The following NTM variants were observed in gnomAD, a reference collection of about 807,000 sequenced individuals.
NTM encodes IgLON family member 2.
NTM carries 13 observed loss-of-function variants against 42.1 expected under a neutral mutation model. The observed-to-expected ratio is 0.31, with a 90% CI of 0.20 to 0.49. The LOEUF (loss-of-function observed/expected upper bound fraction) is 0.49, where lower values mean the gene tolerates loss of function less well. NTM is among the 20% of genes least tolerant of loss of function. NTM has a pLI of 0.99. For synonymous variants in NTM, 187 were observed against 179.2 expected, an observed-to-expected ratio of 1.04 and a Z score of -0.35; for missense variants, 373 against 452.8, an observed-to-expected ratio of 0.82 and a Z score of 1.60.
intron 1 of NTM, among the ~76,000 whole-genome samples, chr11:131,544,796 G>C (rs367947096): frequency 2.1e-4 from 32 of 152,192 alleles, no homozygotes; most frequent in African/African-American, 7.5e-4. Flanking sequence ...GCCTCCTGGG[G>C]GCGCCGCTTG....
chr11:131,438,368 A>G (rs1230486675), intron 1 of NTM, among the ~76,000 whole-genome samples: 1 of 152,128 alleles, frequency 6.6e-6, no homozygotes, highest in Non-Finnish European at 1.5e-5. Context: ...TAATGTCCTG[A>G]AGAGTGTTTT....
chr11:131,669,851 C>A (rs1460471943), intron 1 of NTM, among the ~76,000 whole-genome samples: 1 of 152,166 alleles, frequency 6.6e-6, no homozygotes, highest in Non-Finnish European at 1.5e-5. Flanking sequence ...GACTTCACGG[C>A]TTAGAAGGTC....
At chr11:131,872,109 C>T (rs2047848748) in intron 1 of NTM, among the ~76,000 whole-genome samples, 1 of 152,176 alleles carries the variant, frequency 6.6e-6, no homozygotes. Context: ...AAATCATTCT[C>T]CACTGGGTAC....
chr11:131,878,225 T>A (rs1206843813), intron 1 of NTM: 3 of 152,080 alleles, frequency 2.0e-5, no homozygotes, highest in African/African-American at 7.2e-5. Context: ...TTGATCATTT[T>A]GCTTGGAAGG....
At chr11:131,710,444 G>T (rs984215376) in intron 1 of NTM, among the ~76,000 whole-genome samples, 1 of 152,118 alleles carries the variant, frequency 6.6e-6, no homozygotes, top group Non-Finnish European at 1.5e-5. Context: ...AGGGAGGAAA[G>T]AGTTGCTCTC....
intron 2 of NTM, among the ~76,000 whole-genome samples, chr11:132,041,331 A>C (rs905861651): frequency 6.6e-6 from 1 of 151,746 alleles, no homozygotes; most frequent in African/African-American, 2.4e-5. Flanking sequence ...TTTGTAAGCA[A>C]GGTGATGGAA....
chr11:131,801,577 A>C (rs2092114245), intron 1 of NTM, among the ~76,000 whole-genome samples: 1 of 152,118 alleles, frequency 6.6e-6, no homozygotes, highest in Non-Finnish European at 1.5e-5. Context: ...TTCCTCTTTC[A>C]AGCACCTTAG....
At chr11:132,070,545 C>T (rs567161155) in intron 2 of NTM, among the ~76,000 whole-genome samples, 10 of 122,720 alleles carry the variant, frequency 8.1e-5, no homozygotes, top group Admixed American at 3.9e-4. Context: ...TCAAACTGAC[C>T]GTCACAGTTT....
intron 1 of NTM, among the ~76,000 whole-genome samples, chr11:131,596,960 C>T (rs533089075): frequency 1.3e-5 from 2 of 152,246 alleles, no homozygotes; most frequent in South Asian, 2.1e-4. Context: ...AGGAAGCATC[C>T]AGCACAGGAG....
At position 132,132,918 on chromosome 11, in the gene NTM, TA is replaced by T. The variant is rs566772462; in HGVS notation, c.168-13360del. Among the ~76,000 whole-genome samples, 4 of 152,336 alleles carry T rather than the reference TA, an allele frequency of 2.6e-5. No homozygotes were observed. The South Asian group carries it at 8.3e-4, about 32-fold the overall frequency. On this transcript the variant is annotated intron_variant, in intron 2 of 8. Transcript: ENST00000683400. ...GGCTTCCAGATGGCAGAAATCTTGT[TA>T]AAATCTGAGTAACACCCAGTGCATT... is the stretch of plus-strand genomic sequence containing the variant.
intron 1 of NTM, among the ~76,000 whole-genome samples, chr11:131,423,797 G>A (rs1486899530): frequency 6.6e-6 from 1 of 152,176 alleles, no homozygotes; most frequent in Non-Finnish European, 1.5e-5. Context: ...CGTTCTGTCT[G>A]CATTGTCAGT....
chr11:131,989,910 G>T (rs1022505947), intron 2 of NTM, among the ~76,000 whole-genome samples: 2 of 152,016 alleles, frequency 1.3e-5, no homozygotes, highest in Non-Finnish European at 1.5e-5. Context: ...TTTTTCATTG[G>T]CTCAAGCAAA....
intron 1 of NTM, among the ~76,000 whole-genome samples, chr11:131,416,140 T>A (rs1946920552): frequency 6.6e-6 from 1 of 152,132 alleles, no homozygotes; most frequent in African/African-American, 2.4e-5. Context: ...CTGTATTTTA[T>A]CTGGCAACTA....
intron 4 of NTM, among the ~76,000 whole-genome samples, chr11:132,265,585 C>T (rs894567410): frequency 1.3e-5 from 2 of 151,948 alleles, no homozygotes; most frequent in Non-Finnish European, 2.9e-5. Context: ...GAATACATTG[C>T]CGGGAATCTA....
chr11:131,805,253 G>C lies in NTM; in HGVS notation c.83-106311G>C, dbSNP rs59691354. Among the ~76,000 whole-genome samples the C allele has an allele frequency of 2.6e-5, 4 of 152,272 alleles. No homozygotes were observed. In the East Asian group the frequency reaches 7.7e-4, roughly 29 times the overall value. ...GAAATTCTTTTCTTTACATGAGCATGTACTATGCTTCCTTCTGTCTTTGCT... is the reference window on the plus strand; with the variant it reads ...GAAATTCTTTTCTTTACATGAGCATCTACTATGCTTCCTTCTGTCTTTGCT... On this transcript the variant is annotated intron_variant, in intron 1 of 8. Transcript: ENST00000683400.
chr11:132,018,113 C>T (rs944970303), intron 2 of NTM, among the ~76,000 whole-genome samples: 10 of 151,680 alleles, frequency 6.6e-5, no homozygotes, highest in Non-Finnish European at 1.2e-4. Context: ...TTGTCCCTCT[C>T]TCCCTCTGTC....
chr11:131,504,488 G>A (rs188927729), intron 1 of NTM, among the ~76,000 whole-genome samples: 33 of 152,210 alleles, frequency 2.2e-4, no homozygotes, highest in Middle Eastern at 3.4e-3. Flanking sequence ...GAATTGGAAG[G>A]GATTTAAAAT....
At chr11:131,664,886 A>C (rs1382063470) in intron 1 of NTM, among the ~76,000 whole-genome samples, 1 of 151,872 alleles carries the variant, frequency 6.6e-6, no homozygotes, top group African/African-American at 2.4e-5. Context: ...TACTCAGAGA[A>C]GCTAAACAAA....
intron 1 of NTM, among the ~76,000 whole-genome samples, chr11:131,800,933 A>G (rs73595146): frequency 0.036 from 5,507 of 152,264 alleles, 332 homozygotes; most frequent in African/African-American, 0.13. Context: ...TTGAATTAAT[A>G]GTAGGACGTG....
Sources: gnomAD v4.1 joint callset for allele counts (sites outside exome capture counted in the v4.1 genomes callset) on GRCh38, gnomAD v4.1.1 for gene constraint, MANE v1.5 for transcripts, NCBI Gene and HGNC (gene_info 2026-07-23, HGNC 2026-07-21) for gene names.